Variants in NOX4 observed in about 807,000 individuals in gnomAD.
NOX4 encodes the protein kidney oxidase-1.
A neutral mutation model predicts 87.6 loss-of-function variants in NOX4; 69 were observed. The ratio of observed to expected loss-of-function variants is 0.79; its 90% CI spans 0.65 to 0.96. The LOEUF is 0.96. Ranked by LOEUF, NOX4 falls within the 40% of genes least tolerant of loss-of-function variation. The pLI is 0.00. For missense variants in NOX4, 680 were observed against 681.5 expected, an observed-to-expected ratio of 1.00 and a Z score of 0.02; for synonymous variants, 275 against 238.2, an observed-to-expected ratio of 1.15 and a Z score of -1.42.
At chr11:89,465,479 C>T (rs139362154) in intron 2 of NOX4, among the ~76,000 whole-genome samples, 2,032 of 152,030 alleles carry the variant, frequency 0.013, 45 homozygotes, top group African/African-American at 0.047. Context: ...TGATTTATAA[C>T]CCTTTGGGTA....
chr11:89,441,371 G>A (rs112703490), intron 5 of NOX4, among the ~76,000 whole-genome samples: 2,193 of 152,118 alleles, frequency 0.014, 54 homozygotes, highest in African/African-American at 0.05. Flanking sequence ...AAAACCAATC[G>A]CCACTAGATT....
chr11:89,573,485 G>A, the NOX4 span, among the ~76,000 whole-genome samples: 1 of 152,196 alleles, frequency 6.6e-6, no homozygotes, highest in Non-Finnish European at 1.5e-5. Flanking sequence ...CTTGCAGTGA[G>A]CCGAGATCGC....
intron 17 of NOX4, among the ~76,000 whole-genome samples, chr11:89,335,073 A>G (rs1244236264): frequency 6.6e-6 from 1 of 151,772 alleles, no homozygotes; most frequent in African/African-American, 2.4e-5. Flanking sequence ...AATATCTGCA[A>G]TATGTTAGAA....
intron 3 of NOX4, among the ~76,000 whole-genome samples, chr11:89,450,937 A>G (rs569779591): frequency 1.3e-5 from 2 of 151,548 alleles, no homozygotes; most frequent in East Asian, 3.9e-4. Context: ...GCTGGAAACC[A>G]TCATTCTTAG....
chr11:89,365,061 A>G (rs1565200626), intron 12 of NOX4, among the ~76,000 whole-genome samples: 1 of 151,822 alleles, frequency 6.6e-6, no homozygotes, highest in Non-Finnish European at 1.5e-5. Flanking sequence ...CCCTCCTTTT[A>G]CTTTCTTCTT....
chr11:89,406,539 G>A (rs1942195579), intron 8 of NOX4, among the ~76,000 whole-genome samples: 1 of 151,986 alleles, frequency 6.6e-6, no homozygotes, highest in Middle Eastern at 3.2e-3. Context: ...TATTAATTTT[G>A]GAATCTTATT....
chr11:89,369,237 T>C (rs538883566), intron 12 of NOX4, among the ~76,000 whole-genome samples: 6 of 152,008 alleles, frequency 3.9e-5, no homozygotes, highest in Admixed American at 3.9e-4. Flanking sequence ...AGAAGCCAAA[T>C]TGAGGATGGT....
chr11:89,446,118 C>T (rs539061218), intron 4 of NOX4, among the ~76,000 whole-genome samples: 1 of 152,106 alleles, frequency 6.6e-6, no homozygotes, highest in Admixed American at 6.6e-5. Flanking sequence ...AAAGATGATC[C>T]ACATTATATA....
chr11:89,395,981 A>G (rs1260894135), intron 11 of NOX4, among the ~76,000 whole-genome samples: 2 of 152,138 alleles, frequency 1.3e-5, no homozygotes, highest in African/African-American at 4.8e-5. Context: ...TGTCTTGGCA[A>G]TACAGGCTCT....
At chr11:89,568,292 G>A in the NOX4 span, among the ~76,000 whole-genome samples, 51 of 152,188 alleles carry the variant, frequency 3.4e-4, no homozygotes, top group Admixed American at 6.5e-4. Flanking sequence ...ATAGATTAAC[G>A]AAACAAAAAG....
rs115801119 is a variant in NOX4, at chr11:89,372,865, G to A, written c.1135+567C>T. Among the ~76,000 whole-genome samples the A allele has an allele frequency of 3.3e-3, 504 of 151,990 alleles. 1 individual carries two copies. Among genetic ancestry groups the A allele is most frequent in the African/African-American group, 0.011 (476 of 41,510 alleles). On this transcript the variant is annotated intron_variant, in intron 12 of 17. Coordinates refer to ENST00000263317, the MANE Select transcript of NOX4 (RefSeq NM_016931.5). ...GGGTCAAGGAAATATTAATATAAGA[G>A]AGAATAATGTTTCTTTTATTTACTC... is the stretch of plus-strand genomic sequence containing the variant.
intron 7 of NOX4, among the ~76,000 whole-genome samples, chr11:89,430,277 C>T (rs1943705043): frequency 6.6e-6 from 1 of 152,122 alleles, no homozygotes; most frequent in Non-Finnish European, 1.5e-5. Flanking sequence ...GGAAGCATTC[C>T]CTTTGAAAAC....
intron 2 of NOX4, among the ~76,000 whole-genome samples, chr11:89,474,389 C>G (rs900390555): frequency 1.0e-4 from 14 of 138,348 alleles, no homozygotes; most frequent in East Asian, 4.2e-4. Context: ...AAATGACATA[C>G]AGAAACACTT....
intron 11 of NOX4, among the ~76,000 whole-genome samples, chr11:89,374,373 T>C (rs1286232918): frequency 3.3e-5 from 5 of 152,158 alleles, no homozygotes; most frequent in Non-Finnish European, 7.4e-5. Flanking sequence ...AAGTACGATA[T>C]GAAATATGCA....
At chr11:89,521,389 C>A in the NOX4 span, among the ~76,000 whole-genome samples, 1 of 152,020 alleles carries the variant, frequency 6.6e-6, no homozygotes, top group Non-Finnish European at 1.5e-5. Flanking sequence ...CCACCTATAG[C>A]CATTTGATCT....
chr11:89,561,015 T>TATACATATAC, the NOX4 span, among the ~76,000 whole-genome samples: 1 of 80,532 alleles, frequency 1.2e-5, no homozygotes. Flanking sequence ...TATATATATA[T>TATACATATAC]ATATACATAC....
intron 2 of NOX4, among the ~76,000 whole-genome samples, chr11:89,457,702 T>TA (rs1394230886): frequency 2.0e-5 from 3 of 151,992 alleles, no homozygotes; most frequent in African/African-American, 7.3e-5. Flanking sequence ...AATAAAATTG[T>TA]AAAAAACTCC....
the NOX4 span, among the ~76,000 whole-genome samples, chr11:89,505,423 T>A: frequency 6.6e-6 from 1 of 151,878 alleles, no homozygotes; most frequent in South Asian, 2.1e-4. Context: ...TTGCAGTTTT[T>A]GCCATTAAAA....
At chr11:89,377,574 A>G (rs1939949165) in intron 11 of NOX4, among the ~76,000 whole-genome samples, 5 of 152,164 alleles carry the variant, frequency 3.3e-5, no homozygotes, top group Admixed American at 3.3e-4. Context: ...ATATAAAAAG[A>G]TATTTGTAAC....
Sources: gnomAD v4.1 joint callset for allele counts (sites outside exome capture counted in the v4.1 genomes callset) on GRCh38, gnomAD v4.1.1 for gene constraint, MANE v1.5 for transcripts, NCBI Gene and HGNC (gene_info 2026-07-23, HGNC 2026-07-21) for gene names.